Variants in CSMD1 observed in about 807,000 individuals in gnomAD.
CSMD1 encodes the protein CUB and sushi domain-containing protein 1.
Under a neutral mutation model 417.5 loss-of-function variants are expected in CSMD1, and 213 were observed. The ratio of observed to expected loss-of-function variants is 0.51; its 90% confidence interval spans 0.46 to 0.57. The LOEUF is 0.57. CSMD1 is among the 20% of genes least tolerant of loss of function. The probability of loss-of-function intolerance (pLI) is 0.00; values close to 1 mark genes in which losing one functional copy is unlikely to be tolerated. For synonymous variants in CSMD1, 2,862 were observed against 1,736.8 expected, an observed-to-expected ratio of 1.65 and a Z score of -16.11; for missense variants, 6,923 against 4,529.7, an observed-to-expected ratio of 1.53 and a Z score of -15.17.
chr8:4,105,543 T>C (rs1345453976), intron 3 of CSMD1, among the ~76,000 whole-genome samples: 6 of 152,250 alleles, frequency 3.9e-5, no homozygotes, highest in African/African-American at 1.4e-4. Context: ...ATGCAGACAA[T>C]TAAAAAATAC....
At chr8:4,282,172 G>C (rs939476856) in intron 3 of CSMD1, among the ~76,000 whole-genome samples, 3 of 152,138 alleles carry the variant, frequency 2.0e-5, no homozygotes, top group East Asian at 1.9e-4. Context: ...AATAACTTCT[G>C]AAGTCACGTT....
intron 3 of CSMD1, among the ~76,000 whole-genome samples, chr8:4,342,532 G>C (rs34979707): frequency 0.12 from 18,421 of 151,934 alleles, 1,436 homozygotes; most frequent in Admixed American, 0.18. Context: ...ACATTTTCCT[G>C]ATGTATGACA....
At chr8:3,794,321 G>C (rs976893901) in intron 5 of CSMD1, among the ~76,000 whole-genome samples, 6 of 152,054 alleles carry the variant, frequency 3.9e-5, no homozygotes, top group Non-Finnish European at 8.8e-5. Context: ...TCTGCGCCTG[G>C]TGATTTTTAA....
At chr8:3,273,584 C>T (rs934363066) in intron 26 of CSMD1, among the ~76,000 whole-genome samples, 2 of 152,168 alleles carry the variant, frequency 1.3e-5, no homozygotes, top group African/African-American at 2.4e-5. Flanking sequence ...CGTTGGTAAG[C>T]TATTGATTAT....
chr8:3,966,800 C>T (rs1301182534), intron 5 of CSMD1, among the ~76,000 whole-genome samples: 4 of 151,892 alleles, frequency 2.6e-5, no homozygotes, highest in African/African-American at 9.7e-5. Context: ...AGATTAAATC[C>T]CAAGAAATAA....
In CSMD1 at chr8:4,121,758, C is replaced by T. The variant is rs541128979; in HGVS notation, c.416-89659G>A. Among the ~76,000 whole-genome samples the T allele has an allele frequency of 1.2e-4, 18 of 152,024 alleles. No individual in the cohort carries two copies. The South Asian group carries it at 3.7e-3, about 32-fold the overall frequency. On this transcript the variant is annotated intron_variant, in intron 3 of 69. Coordinates refer to ENST00000635120, the MANE Select transcript of CSMD1 (RefSeq NM_033225.6). ...GCAAGGATAAAACAGCATTAATTTG[C>T]ACAAAATTACAAAGGTAATATTACA...
intron 3 of CSMD1, among the ~76,000 whole-genome samples, chr8:4,081,458 G>C (rs2740897): frequency 0.73 from 111,266 of 151,996 alleles, 41,336 homozygotes; most frequent in South Asian, 0.82. Context: ...CTCCAGCCAC[G>C]GTGTCATGGG....
chr8:3,339,524 T>C (rs548868647), intron 23 of CSMD1, among the ~76,000 whole-genome samples: 90 of 152,280 alleles, frequency 5.9e-4, no homozygotes, highest in African/African-American at 2.0e-3. Flanking sequence ...AATGGGACTT[T>C]AACATCAGAA....
At chr8:3,846,696 C>T (rs544610955) in intron 5 of CSMD1, among the ~76,000 whole-genome samples, 14 of 152,244 alleles carry the variant, frequency 9.2e-5, no homozygotes, top group South Asian at 6.2e-4. Flanking sequence ...TTCTCTCTGT[C>T]GCCCAGGCTG....
At position 4,398,493 on chromosome 8, in the gene CSMD1, C is replaced by G. The variant is rs552885837; in HGVS notation, c.415+21460G>C. ...ACTGCAACCTCCTCTCCTGGGTTCA[C>G]GCCATTCTCCTAGCCTCAGCCTCCC... On this transcript the variant is annotated intron_variant, in intron 3 of 69. Coordinates refer to ENST00000635120, the MANE Select transcript of CSMD1 (RefSeq NM_033225.6). Among the ~76,000 whole-genome samples the G allele has an allele frequency of 2.0e-5, 3 of 146,972 alleles. 1 individual carries two copies. The South Asian group carries it at 6.5e-4, about 32-fold the overall frequency.
intron 2 of CSMD1, among the ~76,000 whole-genome samples, chr8:4,533,427 T>G (rs1250240009): frequency 6.6e-6 from 1 of 152,200 alleles, no homozygotes; most frequent in Admixed American, 6.5e-5. Context: ...AGGGGACTTT[T>G]GCTGTTAATC....
intron 6 of CSMD1, among the ~76,000 whole-genome samples, chr8:3,710,088 C>G (rs1048983494): frequency 1.3e-5 from 2 of 151,938 alleles, no homozygotes; most frequent in African/African-American, 4.8e-5. Context: ...AGACTCATAT[C>G]TACATATATT....
chr8:3,082,333 C>G (rs143533030), intron 49 of CSMD1, among the ~76,000 whole-genome samples: 2 of 152,184 alleles, frequency 1.3e-5, no homozygotes, highest in African/African-American at 4.8e-5. Context: ...CTGAAAGCCA[C>G]GTAAACTTGC....
At chr8:4,340,568 G>T (rs549369135) in intron 3 of CSMD1, among the ~76,000 whole-genome samples, 12 of 152,168 alleles carry the variant, frequency 7.9e-5, no homozygotes, top group African/African-American at 2.9e-4. Flanking sequence ...GCAATTCAGG[G>T]ACAAAACCCA....
intron 5 of CSMD1, among the ~76,000 whole-genome samples, chr8:3,824,937 C>T (rs1229333736): frequency 1.3e-5 from 2 of 151,760 alleles, no homozygotes; most frequent in African/African-American, 4.9e-5. Context: ...AAAACCGCAA[C>T]AATGATTAAT....
chr8:4,601,243 A>G (rs967032150), intron 2 of CSMD1, among the ~76,000 whole-genome samples: 2 of 152,200 alleles, frequency 1.3e-5, no homozygotes, highest in Admixed American at 1.3e-4. Context: ...GGCGTGAGCC[A>G]CCGCACCTGG....
chr8:4,419,507 A>C (rs1797129463), intron 3 of CSMD1, among the ~76,000 whole-genome samples: 1 of 152,170 alleles, frequency 6.6e-6, no homozygotes, highest in East Asian at 1.9e-4. Flanking sequence ...CAGTAAAAGC[A>C]AATTAATTTT....
At chr8:4,816,907 T>C (rs1259956023) in intron 1 of CSMD1, among the ~76,000 whole-genome samples, 1 of 152,050 alleles carries the variant, frequency 6.6e-6, no homozygotes, top group Non-Finnish European at 1.5e-5. Flanking sequence ...GTTTGGAGCA[T>C]AACAATCACT....
At chr8:3,875,320 G>GT (rs1405558021) in intron 5 of CSMD1, among the ~76,000 whole-genome samples, 1 of 152,158 alleles carries the variant, frequency 6.6e-6, no homozygotes, top group East Asian at 1.9e-4. Context: ...AGAATTTGCT[G>GT]TTCTATTAGG....
Sources: gnomAD v4.1 joint callset for allele counts (sites outside exome capture counted in the v4.1 genomes callset) on GRCh38, gnomAD v4.1.1 for gene constraint, MANE v1.5 for transcripts, NCBI Gene and HGNC (gene_info 2026-07-23, HGNC 2026-07-21) for gene names.